DIAPH2: variants seen among roughly 807,000 people sequenced by gnomAD.
The protein encoded by DIAPH2 is diaphanous related formin 2.
A neutral mutation model predicts 92.7 loss-of-function variants in DIAPH2; 35 were observed. The observed-to-expected ratio is 0.38, with a 90% CI of 0.29 to 0.50. The LOEUF (loss-of-function observed/expected upper bound fraction) is 0.50. Among genes scored for constraint, DIAPH2 ranks in the 20% least tolerant of loss-of-function variants. The pLI, the probability that DIAPH2 is intolerant of heterozygous loss-of-function variation, is 0.94. For synonymous variants in DIAPH2, 301 were observed against 280.4 expected, an observed-to-expected ratio of 1.07 and a Z score of -0.73; for missense variants, 701 against 819.5, an observed-to-expected ratio of 0.86 and a Z score of 1.77.
intron 16 of DIAPH2, among the ~76,000 whole-genome samples, chrX:96,959,756 T>C: frequency 8.9e-6 from 1 of 111,782 alleles, no homozygotes; most frequent in Non-Finnish European, 1.9e-5. Context: ...TCAGGTCTTA[T>C]GCTTAAGTCT....
chrX:96,923,258 T>C (rs184036414), intron 9 of DIAPH2, among the ~76,000 whole-genome samples: 48 of 111,913 alleles, frequency 4.3e-4, no homozygotes, highest in Middle Eastern at 9.1e-3. Context: ...TTAATACATT[T>C]AAAAACTGTT....
chrX:97,090,972 T>C (rs1253666947), intron 19 of DIAPH2, among the ~76,000 whole-genome samples: 1 of 111,786 alleles, frequency 8.9e-6, no homozygotes, highest in African/African-American at 3.2e-5. Flanking sequence ...TTGCCATATA[T>C]GGATGTGCCC....
At chrX:96,901,537 T>G (rs1203967338) in intron 5 of DIAPH2, among the ~76,000 whole-genome samples, 1 of 60,061 alleles carries the variant, frequency 1.7e-5, no homozygotes, top group African/African-American at 6.4e-5. Flanking sequence ...TTTCTGTTTT[T>G]TTTTTTTTTT....
chrX:97,077,024 T>C (rs1383501138), intron 19 of DIAPH2, among the ~76,000 whole-genome samples: 3 of 111,816 alleles, frequency 2.7e-5, no homozygotes, highest in African/African-American at 6.5e-5. Context: ...TTAGTTTTGC[T>C]TGTGGGAAGA....
intron 26 of DIAPH2, among the ~76,000 whole-genome samples, chrX:97,537,474 T>A (rs906267969): frequency 1.8e-5 from 2 of 112,179 alleles, no homozygotes; most frequent in African/African-American, 6.5e-5. Context: ...AACAGGTTAG[T>A]TAGGTGTGGT....
chrX:97,323,169 G>C (rs1248276486), intron 23 of DIAPH2, among the ~76,000 whole-genome samples: 1 of 106,417 alleles, frequency 9.4e-6, no homozygotes, highest in African/African-American at 3.4e-5. Flanking sequence ...GCCTCCCAAA[G>C]TGCTGGGATT....
At chrX:96,749,733 A>G (rs2064175375) in intron 3 of DIAPH2, among the ~76,000 whole-genome samples, 1 of 111,849 alleles carries the variant, frequency 8.9e-6, no homozygotes, top group Non-Finnish European at 1.9e-5. Flanking sequence ...AACAAGTGCC[A>G]TTGGGAAGAT....
chrX:97,296,926 C>T (rs1167961033), intron 23 of DIAPH2, among the ~76,000 whole-genome samples: 1 of 109,644 alleles, frequency 9.1e-6, no homozygotes, highest in Non-Finnish European at 1.9e-5. Flanking sequence ...TACAGGCATG[C>T]GCCACCACGC....
intron 26 of DIAPH2, among the ~76,000 whole-genome samples, chrX:97,448,870 T>C (rs1266820867): frequency 8.9e-6 from 1 of 111,798 alleles, no homozygotes; most frequent in African/African-American, 3.2e-5. Flanking sequence ...AAAATAATAA[T>C]CAAAGGACTG....
At chrX:97,464,193 G>A (rs758195643) in intron 26 of DIAPH2, among the ~76,000 whole-genome samples, 1 of 105,914 alleles carries the variant, frequency 9.4e-6, no homozygotes, top group Non-Finnish European at 1.9e-5. Context: ...GGCCGGGGGT[G>A]GTGGCTCATG....
At chrX:97,301,333 A>T (rs764855355) in intron 23 of DIAPH2, among the ~76,000 whole-genome samples, 1 of 110,962 alleles carries the variant, frequency 9.0e-6, no homozygotes, top group South Asian at 3.8e-4. Flanking sequence ...GTTACATATG[A>T]TACATTAAGT....
chrX:96,827,573 A>G (rs1433177982), intron 4 of DIAPH2, among the ~76,000 whole-genome samples: 1 of 112,072 alleles, frequency 8.9e-6, no homozygotes, highest in Non-Finnish European at 1.9e-5. Flanking sequence ...ACTTAGACCA[A>G]TAAGTTATAA....
intron 26 of DIAPH2, among the ~76,000 whole-genome samples, chrX:97,485,915 A>G (rs1036049857): frequency 1.8e-5 from 2 of 110,526 alleles, no homozygotes; most frequent in Non-Finnish European, 3.8e-5. Flanking sequence ...TGCACCTGCC[A>G]TGAGGTAATT....
chrX:97,237,692 T>C (rs768907434), intron 22 of DIAPH2, among the ~76,000 whole-genome samples: 11 of 110,775 alleles, frequency 9.9e-5, no homozygotes, highest in African/African-American at 3.6e-4. Flanking sequence ...CGCCATTCTC[T>C]TGCCTCAGCC....
At chrX:96,777,311 T>G (rs756654924) in intron 4 of DIAPH2, among the ~76,000 whole-genome samples, 7 of 111,980 alleles carry the variant, frequency 6.3e-5, no homozygotes, top group Non-Finnish European at 1.3e-4. Context: ...CGGATTAAAA[T>G]TATACACAAT....
rs555269472 is a variant in DIAPH2 at position 97,369,796 on chromosome X, T to C, written c.3010-14113T>C. ...CAAGAAGGCTTTGTGAAAAACAAAT[T>C]GAGCAAAACCATCTTAATCTACTTC... On this transcript the variant is annotated intron_variant, in intron 24 of 26. Coordinates refer to ENST00000324765, the MANE Select transcript of DIAPH2 (RefSeq NM_006729.5). Among the ~76,000 whole-genome samples the C allele has an allele frequency of 1.5e-4, 17 of 111,578 alleles. 1 individual carries two copies. The South Asian group carries it at 5.0e-3, about 33-fold the overall frequency.
intron 19 of DIAPH2, among the ~76,000 whole-genome samples, chrX:97,087,672 T>C (rs1207461687): frequency 8.9e-6 from 1 of 111,949 alleles, no homozygotes; most frequent in Non-Finnish European, 1.9e-5. Context: ...TTAAAAACCC[T>C]TGCAAACTAT....
intron 22 of DIAPH2, among the ~76,000 whole-genome samples, chrX:97,228,465 C>T (rs904428384): frequency 9.0e-6 from 1 of 111,002 alleles, no homozygotes; most frequent in Non-Finnish European, 1.9e-5. Flanking sequence ...GTAAGACAGG[C>T]GAAAAAAGTG....
intron 22 of DIAPH2, among the ~76,000 whole-genome samples, chrX:97,229,206 C>T (rs923484547): frequency 8.9e-6 from 1 of 112,366 alleles, no homozygotes; most frequent in Non-Finnish European, 1.9e-5. Flanking sequence ...TAGTCATATT[C>T]ATTAGTTTCT....
Sources: gnomAD v4.1 joint callset for allele counts (sites outside exome capture counted in the v4.1 genomes callset) on GRCh38, gnomAD v4.1.1 for gene constraint, MANE v1.5 for transcripts, NCBI Gene and HGNC (gene_info 2026-07-23, HGNC 2026-07-21) for gene names.